The following ZC3H7A variants were observed in gnomAD, a reference collection of about 807,000 sequenced individuals.
ZC3H7A encodes the protein zinc finger CCCH domain-containing protein 7A.
Under a neutral mutation model 125.5 loss-of-function variants are expected in ZC3H7A, and 44 were observed. The observed-to-expected ratio is 0.35, with a 90% confidence interval of 0.28 to 0.45. The LOEUF (loss-of-function observed/expected upper bound fraction) is 0.45, where lower values mean the gene tolerates loss of function less well. Ranked by LOEUF, ZC3H7A falls within the 20% of genes least tolerant of loss-of-function variation. The pLI is 1.00. For missense variants in ZC3H7A, 977 were observed against 1,170.7 expected (o/e 0.83, Z 2.41); for synonymous variants, 399 against 391.2 (o/e 1.02, Z -0.23).
At chr16:11,758,725 T>C in intron 19 of ZC3H7A, 186 bp from the exon 20 acceptor site, 1 of 539,662 alleles carries the variant, frequency 1.9e-6, no homozygotes, top group Non-Finnish European at 3.2e-6. Context: ...ATATTAAGGT[T>C]TCTATCTCAA....
At chr16:11,755,791 C>G (rs1448444402) in intron 21 of ZC3H7A, among the ~76,000 whole-genome samples, 1 of 152,072 alleles carries the variant, frequency 6.6e-6, no homozygotes, top group African/African-American at 2.4e-5. Flanking sequence ...TGGCAGGAAA[C>G]CACTAGAGAG....
chr16:11,763,635 C>G lies in ZC3H7A; in HGVS notation c.1845G>C (p.Glu615Asp). ...DNKCLVHILR[E>D]TTVKYSKIRS... Reference sequence around the variant, plus strand: ...GTATTTTGGAGTATTTTACTGTTGTCTCTCGCAAAATGTGGACAAGGCACC... The same window carrying G: ...GTATTTTGGAGTATTTTACTGTTGTGTCTCGCAAAATGTGGACAAGGCACC... Residue 615 changes from glutamate (E) to aspartate (D), a missense_variant, in exon 16 of 23, where the codon GAG (glutamate) becomes GAC (aspartate). Glu to Asp is a conservative substitution (Grantham distance 45). Around this residue, in one of 3 missense-constraint regions of ZC3H7A, gnomAD observed 436 missense variants for 603.2 expected, o/e 0.72. Coordinates refer to ENST00000355758, the MANE Select transcript of ZC3H7A (RefSeq NM_014153.4). 1.3e-6 allele frequency: 2 copies of G among 1,586,878 alleles called. No homozygotes were observed. Among genetic ancestry groups the G allele is most frequent in the South Asian group, 2.3e-5 (2 of 87,196 alleles).
chr16:11,774,657 CAATTCCAAACAGATACAGTCACGT>C, intron 8 of ZC3H7A, 138 bp from the exon 9 acceptor site: 2 of 1,064,072 alleles, frequency 1.9e-6, no homozygotes, highest in Non-Finnish European at 2.6e-6. Flanking sequence ...TATAGTAAAG[CAATTCCAAACAGATACAGTCACGT>C]GTGAAAACTT....
chr16:11,755,570 A>G (rs1024376691), intron 21 of ZC3H7A, among the ~76,000 whole-genome samples: 14 of 152,154 alleles, frequency 9.2e-5, no homozygotes, highest in Non-Finnish European at 2.9e-5. Flanking sequence ...CACATTCCTG[A>G]GCCACCTGCT....
intron 1 of ZC3H7A, chr16:11,782,799 G>C (rs2053195099): frequency 6.3e-6 from 1 of 158,930 alleles, no homozygotes; most frequent in Non-Finnish European, 1.4e-5. Flanking sequence ...ATTTTTAGGA[G>C]AGACAGGGTT....
chr16:11,759,389 C>T (rs934588195), intron 19 of ZC3H7A: 4 of 152,208 alleles, frequency 2.6e-5, no homozygotes, highest in African/African-American at 9.6e-5. Flanking sequence ...GCATCTGTCA[C>T]GTTTTTCAGA....
chr16:11,784,703 A>T (rs1341336601), intron 1 of ZC3H7A, among the ~76,000 whole-genome samples: 1 of 151,852 alleles, frequency 6.6e-6, no homozygotes, highest in Non-Finnish European at 1.5e-5. Context: ...GAAAATACAA[A>T]ATTAGCTGGG....
chr16:11,776,206 T>A, intron 7 of ZC3H7A, 114 bp downstream of exon 7: 1 of 1,018,124 alleles, frequency 9.8e-7, no homozygotes, highest in South Asian at 1.5e-5. Flanking sequence ...ATTACGTGTT[T>A]GAGGAATTAA....
intron 3 of ZC3H7A, among the ~76,000 whole-genome samples, chr16:11,779,934 A>T (rs2053146981): frequency 6.6e-6 from 1 of 151,776 alleles, no homozygotes; most frequent in Non-Finnish European, 1.5e-5. Context: ...AAGTTGAACT[A>T]TTCCACATTT....
At chr16:11,755,016 T>TGGCCAACA (rs1263671609) in intron 21 of ZC3H7A, among the ~76,000 whole-genome samples, 1 of 151,586 alleles carries the variant, frequency 6.6e-6, no homozygotes, top group Non-Finnish European at 1.5e-5. Flanking sequence ...GAGACCAGCC[T>TGGCCAACA]GGCCAACATG....
chr16:11,775,042 A>G, intron 7 of ZC3H7A, 29 bp from the exon 8 acceptor site: 1 of 1,612,912 alleles, frequency 6.2e-7, no homozygotes, highest in East Asian at 2.2e-5. Flanking sequence ...AATGGGTTAT[A>G]ATATTTTCAG....
chr16:11,763,552 C>A lies in ZC3H7A; in HGVS notation c.1928G>T (p.Cys643Phe). Residue 643 changes from cysteine (C) to phenylalanine (F), a missense_variant, in exon 16 of 23, where the codon TGT becomes TTT. Cys to Phe is a radical substitution (Grantham distance 205). Around this residue, in one of 3 missense-constraint regions of ZC3H7A, gnomAD observed 436 missense variants for 603.2 expected, o/e 0.72. Coordinates refer to ENST00000355758, the MANE Select transcript of ZC3H7A (RefSeq NM_014153.4). Reference sequence around the variant, plus strand: ...ATAAAAGCACTCATCTTCCCTTAAACAGCCATACCGAACTTCATGTCGACA... The same window carrying A: ...ATAAAAGCACTCATCTTCCCTTAAAAAGCCATACCGAACTTCATGTCGACA... ...DLCRHEVRYG[C>F]LREDECFYAH... 6.2e-7 allele frequency: 1 copy of A among 1,611,296 alleles called. No individual in the cohort carries two copies. Among genetic ancestry groups the A allele is most frequent in the Non-Finnish European group, 8.5e-7 (1 of 1,178,542 alleles).
Position 11,761,496 on chromosome 16 carries a change from C to T in ZC3H7A, c.2229G>A (p.Arg743=). 6.2e-7 allele frequency: 1 copy of T among 1,613,974 alleles called. No homozygotes were observed. Among genetic ancestry groups the T allele is most frequent in the South Asian group, 1.1e-5 (1 of 91,046 alleles). ...CAATAGACATCACTCTCATCGCACG[C>T]CGGTCTTTGGTCCACCTAAGAAAAA... ...AKARHSWTKD[R]RAMRVMSIER... The change falls in exon 19 of 23, where the codon CGG becomes CGA. Residue 743 remains arginine, a synonymous_variant. Coordinates refer to ENST00000355758, the MANE Select transcript of ZC3H7A (RefSeq NM_014153.4).
chr16:11,795,631 T>G (rs2053424981), intron 1 of ZC3H7A, among the ~76,000 whole-genome samples: 1 of 151,918 alleles, frequency 6.6e-6, no homozygotes, highest in Admixed American at 6.6e-5. Flanking sequence ...AGACGGGGTT[T>G]CTCCATGTTG....
intron 4 of ZC3H7A, among the ~76,000 whole-genome samples, chr16:11,778,386 G>A (rs559673988): frequency 4.4e-4 from 63 of 143,430 alleles, no homozygotes; most frequent in African/African-American, 7.8e-4. Context: ...GCAGTGAGCC[G>A]AGATCGTGCC....
chr16:11,788,263 C>T (rs1462815977), intron 1 of ZC3H7A, among the ~76,000 whole-genome samples: 3 of 152,120 alleles, frequency 2.0e-5, no homozygotes, highest in Admixed American at 6.6e-5. Context: ...TCTCCACAGA[C>T]CTCTCACCTT....
chr16:11,760,608 C>G (rs538360089), intron 19 of ZC3H7A, among the ~76,000 whole-genome samples: 2 of 152,320 alleles, frequency 1.3e-5, no homozygotes, highest in South Asian at 4.1e-4. Context: ...TCCATCTGCC[C>G]TGCTTCTCTG....
At chr16:11,782,670 C>T (rs553838260) in intron 1 of ZC3H7A, 18 of 192,332 alleles carry the variant, frequency 9.4e-5, no homozygotes. Context: ...TGCAGTGGCG[C>T]GATCTCGCGA....
At position 11,767,923 on chromosome 16, in the gene ZC3H7A, G is replaced by A. The variant is rs551815256; in HGVS notation, c.1361-345C>T. Among the ~76,000 whole-genome samples, 61 of 152,248 alleles carry A rather than the reference G, an allele frequency of 4.0e-4. 1 individual carries two copies. The highest frequency in any genetic ancestry group is 1.4e-3 in the African/African-American group (60 of 41,548). ...GGTAAACATATGAAACAAGCTAACA[G>A]AAAGTATTTAATTTTCATATACATT... On this transcript the variant is annotated intron_variant, in intron 12 of 22. Transcript: ENST00000355758.
Sources: gnomAD v4.1 joint callset for allele counts (sites outside exome capture counted in the v4.1 genomes callset) on GRCh38, gnomAD v4.1.1 for gene constraint, gnomAD v4.1.1 regional missense constraint, MANE v1.5 for transcripts, NCBI Gene and HGNC (gene_info 2026-07-23, HGNC 2026-07-21) for gene names.